The following MID1 variants were observed in gnomAD, a reference collection of about 807,000 sequenced individuals.
The protein encoded by MID1 is E3 ubiquitin-protein ligase Midline-1.
A neutral mutation model predicts 40.4 loss-of-function variants in MID1; 7 were observed. The observed-to-expected ratio is 0.17, with a 90% CI of 0.10 to 0.33. The LOEUF is 0.33. MID1 is among the 10% of genes least tolerant of loss of function. MID1 has a pLI of 1.00. For missense variants in MID1, 367 were observed against 558.5 expected (o/e 0.66, Z 3.46); for synonymous variants, 229 against 221.2 (o/e 1.04, Z -0.31).
chrX:10,488,264 G>A (rs373280746), intron 4 of MID1, among the ~76,000 whole-genome samples: 1 of 111,424 alleles, frequency 9.0e-6, no homozygotes, highest in African/African-American at 3.3e-5. Context: ...GATTACAGGT[G>A]TGAGCCACCG....
intron 3 of MID1, among the ~76,000 whole-genome samples, chrX:10,515,816 T>C (rs900074709): frequency 8.9e-6 from 1 of 112,390 alleles, no homozygotes; most frequent in African/African-American, 3.2e-5. Context: ...GGTGTTGTAT[T>C]TGCTGTAAAA....
intron 3 of MID1, chrX:10,505,782 A>C: frequency 2.7e-6 from 2 of 751,876 alleles, no homozygotes; most frequent in South Asian, 1.4e-4. Context: ...AATCACTTTC[A>C]ATCTTACATG....
chrX:10,712,441 T>C (rs1243872127), intron 1 of MID1, among the ~76,000 whole-genome samples: 2 of 111,332 alleles, frequency 1.8e-5, no homozygotes, highest in South Asian at 3.9e-4. Flanking sequence ...AGTGAGCATG[T>C]GCACAATTTC....
chrX:10,537,247 C>G (rs1025569274), intron 2 of MID1, among the ~76,000 whole-genome samples: 1 of 111,323 alleles, frequency 9.0e-6, no homozygotes, highest in Admixed American at 9.6e-5. Context: ...AGCAGAGGAT[C>G]CAGACTCATC....
intron 1 of MID1, among the ~76,000 whole-genome samples, chrX:10,642,374 C>T (rs1936208973): frequency 9.1e-6 from 1 of 110,201 alleles, no homozygotes; most frequent in African/African-American, 3.4e-5. Flanking sequence ...ACAGCAATAA[C>T]AGACAGAGAG....
intron 3 of MID1, among the ~76,000 whole-genome samples, chrX:10,513,772 G>C (rs1055632329): frequency 1.8e-5 from 2 of 112,326 alleles, no homozygotes; most frequent in African/African-American, 6.5e-5. Context: ...GCCTCCCAAA[G>C]TGCTGGGATT....
chrX:10,725,932 A>C (rs747742724), intron 1 of MID1, among the ~76,000 whole-genome samples: 2 of 112,264 alleles, frequency 1.8e-5, no homozygotes, highest in South Asian at 7.4e-4. Flanking sequence ...TTGGCTGAGT[A>C]CCCAAATAAG....
chrX:10,576,841 AC>A (rs1354021181), intron 1 of MID1: 1 of 109,472 alleles, frequency 9.1e-6, no homozygotes, highest in East Asian at 2.9e-4. Context: ...GAGGATGGGG[AC>A]CCACGAAATG....
At chrX:10,468,190 C>A (rs958966310) in intron 7 of MID1, among the ~76,000 whole-genome samples, 1 of 111,768 alleles carries the variant, frequency 8.9e-6, no homozygotes, top group Non-Finnish European at 1.9e-5. Context: ...ATAAAAGCTT[C>A]CACGGCAGGC....
chrX:10,591,478 A>C (rs977225224), intron 1 of MID1, among the ~76,000 whole-genome samples: 9 of 112,218 alleles, frequency 8.0e-5, no homozygotes, highest in Admixed American at 4.7e-4. Context: ...TCACAACTTT[A>C]GTCATTTTCA....
chrX:10,632,403 A>C (rs1936062378), intron 1 of MID1, among the ~76,000 whole-genome samples: 1 of 111,657 alleles, frequency 9.0e-6, no homozygotes, highest in Non-Finnish European at 1.9e-5. Context: ...GATTTAAAAG[A>C]TACGGGTGCC....
intron 1 of MID1, among the ~76,000 whole-genome samples, chrX:10,798,899 C>A (rs1268617301): frequency 8.9e-6 from 1 of 111,822 alleles, no homozygotes; most frequent in African/African-American, 3.2e-5. Context: ...ATAGAAGACA[C>A]ACCACATATT....
At chrX:10,702,759 T>C (rs1479753955) in intron 1 of MID1, among the ~76,000 whole-genome samples, 1 of 112,409 alleles carries the variant, frequency 8.9e-6, no homozygotes, top group Non-Finnish European at 1.9e-5. Context: ...CTTCCCCAAA[T>C]TCGTATGTTG....
intron 1 of MID1, among the ~76,000 whole-genome samples, chrX:10,570,094 T>G (rs1907924045): frequency 1.8e-5 from 2 of 111,987 alleles, no homozygotes; most frequent in Admixed American, 1.9e-4. Flanking sequence ...AGAGAGAAAT[T>G]CACCAGAATA....
At chrX:10,535,447 G>A (rs1306067997) in intron 2 of MID1, among the ~76,000 whole-genome samples, 2 of 112,449 alleles carry the variant, frequency 1.8e-5, no homozygotes, top group Non-Finnish European at 3.7e-5. Context: ...GTATGTAGAA[G>A]TATAAATTTA....
At chrX:10,831,269 G>A (rs1237650259) in intron 1 of MID1, among the ~76,000 whole-genome samples, 1 of 111,959 alleles carries the variant, frequency 8.9e-6, no homozygotes, top group Non-Finnish European at 1.9e-5. Flanking sequence ...AAGTAAGTTT[G>A]CAGCAAACCA....
At chrX:10,617,707 C>T (rs1208781011) in intron 1 of MID1, among the ~76,000 whole-genome samples, 1 of 111,659 alleles carries the variant, frequency 9.0e-6, no homozygotes, top group Non-Finnish European at 1.9e-5. Context: ...TATGCAGTTG[C>T]GGGAATGCCA....
intron 1 of MID1, among the ~76,000 whole-genome samples, chrX:10,615,339 C>T (rs1316789460): frequency 8.9e-6 from 1 of 112,105 alleles, no homozygotes; most frequent in Non-Finnish European, 1.9e-5. Context: ...CATTAATAAT[C>T]ACGTATAATG....
intron 2 of MID1, among the ~76,000 whole-genome samples, chrX:10,557,355 T>TA (rs1934163306): frequency 8.9e-6 from 1 of 111,912 alleles, no homozygotes; most frequent in Non-Finnish European, 1.9e-5. Flanking sequence ...AAAATTACCG[T>TA]AAAATCATTG....
Sources: gnomAD v4.1 joint callset for allele counts (sites outside exome capture counted in the v4.1 genomes callset) on GRCh38, gnomAD v4.1.1 for gene constraint, MANE v1.5 for transcripts, NCBI Gene and HGNC (gene_info 2026-07-23, HGNC 2026-07-21) for gene names.